Variants in ADAMDEC1 observed in about 807,000 individuals in gnomAD.
ADAMDEC1 encodes the protein ADAM DEC1.
ADAMDEC1 carries 62 observed loss-of-function variants against 60.4 expected under a neutral mutation model. The ratio of observed to expected loss-of-function variants is 1.03; its 90% confidence interval spans 0.84 to 1.27. The LOEUF (loss-of-function observed/expected upper bound fraction) is 1.27, where lower values mean the gene tolerates loss of function less well. ADAMDEC1 is among the 50% of genes most tolerant of loss of function. The pLI is 0.00. For synonymous variants in ADAMDEC1, 210 were observed against 195.1 expected (o/e 1.08, Z -0.64); for missense variants, 595 against 565.0 (o/e 1.05, Z -0.54).
intron 13 of ADAMDEC1, 111 bp from the exon 14 acceptor site, chr8:24,405,181 G>C: frequency 8.9e-7 from 1 of 1,120,306 alleles, no homozygotes; most frequent in Non-Finnish European, 1.3e-6. Flanking sequence ...TAAATAATAT[G>C]AATTGTTATT....
At chr8:24,393,452 G>A (rs1290281797) in intron 3 of ADAMDEC1, 114 bp downstream of exon 3, 1 of 633,616 alleles carries the variant, frequency 1.6e-6, no homozygotes, top group African/African-American at 1.9e-5. Flanking sequence ...GGCATTTTGA[G>A]CTTTAGATGA....
chr8:24,398,750 A>T (rs1817680366), intron 8 of ADAMDEC1, 124 bp from the exon 9 acceptor site: 1 of 1,144,772 alleles, frequency 8.7e-7, no homozygotes, highest in Non-Finnish European at 1.2e-6. Context: ...TAAAATTTTT[A>T]CTTTCAAAAT....
At chr8:24,398,411 T>A (rs1287404532) in intron 7 of ADAMDEC1, 69 bp from the exon 8 acceptor site, 1 of 880,028 alleles carries the variant, frequency 1.1e-6, no homozygotes, top group East Asian at 2.6e-5. Context: ...AAATGTGAAA[T>A]CTTGTATGCC....
intron 1 of ADAMDEC1, 109 bp downstream of exon 1, chr8:24,384,701 A>G: frequency 1.0e-6 from 1 of 995,464 alleles, no homozygotes; most frequent in Non-Finnish European, 1.4e-6. Context: ...AAAGACCATT[A>G]CCATTTGCAT....
At chr8:24,400,398 T>C (rs898119230) in intron 11 of ADAMDEC1, 98 bp downstream of exon 11, 2 of 1,268,860 alleles carry the variant, frequency 1.6e-6, no homozygotes, top group African/African-American at 3.0e-5. Context: ...AAATATTAGA[T>C]CTTGTGTTGT....
intron 3 of ADAMDEC1, among the ~76,000 whole-genome samples, 165 bp downstream of exon 3, chr8:24,393,503 T>C (rs902036219): frequency 6.6e-6 from 1 of 152,210 alleles, no homozygotes; most frequent in Admixed American, 6.5e-5. Context: ...TAGGAAATTA[T>C]ATACAAAATG....
Position 24,384,581 on chromosome 8 carries a change from T to C in ADAMDEC1, c.77T>C (p.Val26Ala). 1 of 1,610,774 alleles carries C rather than the reference T, an allele frequency of 6.2e-7. No individual in the cohort carries two copies. The highest frequency in any genetic ancestry group is 1.3e-5 in the African/African-American group (1 of 74,886). Residue 26 changes from valine (V) to alanine (A), a missense_variant, in exon 1 of 14, where the codon GTT (valine) becomes GCT (alanine). Coordinates refer to ENST00000256412, the MANE Select transcript of ADAMDEC1 (RefSeq NM_014479.3). ...CTGCTGCCTGTACTTTGGCTCATTGTTCAAACTCAAGGTACGTACCATCAC... is the reference window on the plus strand; with the variant it reads ...CTGCTGCCTGTACTTTGGCTCATTGCTCAAACTCAAGGTACGTACCATCAC... ...WVLLPVLWLIVQTQAIAIKQT... is the reference protein window; with the variant it reads ...WVLLPVLWLIAQTQAIAIKQT...
At chr8:24,398,749 T>A in intron 8 of ADAMDEC1, 125 bp from the exon 9 acceptor site, 2 of 1,138,952 alleles carry the variant, frequency 1.8e-6, no homozygotes, top group South Asian at 3.0e-5. Context: ...TTAAAATTTT[T>A]ACTTTCAAAA....
chr8:24,386,062 T>C (rs913542134), intron 1 of ADAMDEC1, among the ~76,000 whole-genome samples: 1 of 152,194 alleles, frequency 6.6e-6, no homozygotes, highest in Non-Finnish European at 1.5e-5. Flanking sequence ...CACAATATTC[T>C]GCTGAAAAAG....
At chr8:24,402,377 A>AGACG (rs1349630053) in intron 12 of ADAMDEC1, among the ~76,000 whole-genome samples, 1 of 152,160 alleles carries the variant, frequency 6.6e-6, no homozygotes, top group Non-Finnish European at 1.5e-5. Flanking sequence ...AGAAATCCCT[A>AGACG]GACGACATAA....
rs140513654 is a variant in ADAMDEC1, at chr8:24,393,590, G to A, written c.284+252G>A. Among the ~76,000 whole-genome samples, 644 of 152,288 alleles carry A rather than the reference G, an allele frequency of 4.2e-3. 4 individuals are homozygous for A. The highest frequency in any genetic ancestry group is 0.027 in the Middle Eastern group (8 of 294). ...CTTAGTGAACTTCTTTTTCTACTCAGATAAACTCAAGACTTTGATGCAGCT... is the reference window on the plus strand; with the variant it reads ...CTTAGTGAACTTCTTTTTCTACTCAAATAAACTCAAGACTTTGATGCAGCT... On this transcript the variant is annotated intron_variant, in intron 3 of 13. Transcript: ENST00000256412.
At chr8:24,405,043 A>G (rs1217424781) in intron 13 of ADAMDEC1, among the ~76,000 whole-genome samples, 9 of 152,200 alleles carry the variant, frequency 5.9e-5, no homozygotes, top group Admixed American at 4.6e-4. Flanking sequence ...TATACCATGG[A>G]AGAAAATTGG....
At position 24,398,539 on chromosome 8, in the gene ADAMDEC1, C is replaced by T. The variant is rs2291576; in HGVS notation, c.750C>T (p.Asn250=). ...LIRSFVFDVM[N]LLNVIYNTID... is the part of the protein sequence containing the mutation. ...GAAGCTTTGTGTTTGATGTGATGAA[C>T]CTACTCAATGTGGTAAGACATTAGT... The change falls in exon 8 of 14, where the codon AAC becomes AAT. Residue 250 remains asparagine (N), a synonymous_variant. Coordinates refer to ENST00000256412, the MANE Select transcript of ADAMDEC1 (RefSeq NM_014479.3). The T allele has an allele frequency of 0.045, 72,485 of 1,597,218 alleles. 2,472 individuals carry two copies. The highest frequency in any genetic ancestry group is 0.15 in the Admixed American group (8,346 of 57,510).
chr8:24,395,658 ACACACT>A, intron 4 of ADAMDEC1, 56 bp from the exon 5 acceptor site: 1 of 1,099,004 alleles, frequency 9.1e-7, no homozygotes, highest in East Asian at 2.4e-5. Context: ...TACATTACAC[ACACACT>A]CACATACACA....
chr8:24,398,851 G>T, intron 8 of ADAMDEC1, 23 bp from the exon 9 acceptor site: 1 of 1,606,046 alleles, frequency 6.2e-7, no homozygotes, highest in Non-Finnish European at 8.5e-7. Flanking sequence ...ACATTTTTAT[G>T]AAGATAAATG....
Position 24,394,066 on chromosome 8 carries a change from C to T in ADAMDEC1, c.285-3C>T. 6.2e-7 allele frequency: 1 copy of T among 1,610,132 alleles called. No individual in the cohort carries two copies. Among genetic ancestry groups the T allele is most frequent in the South Asian group, 1.1e-5 (1 of 90,946 alleles). On this transcript the variant is annotated splice_region_variant and splice_polypyrimidine_tract_variant and intron_variant, in intron 3 of 13. Transcript: ENST00000256412. Reference sequence around the variant, plus strand: ...GGTCCATGCAGCTCTCTGCTCTCTACAGGCACCTCCTGGGGCCAGACTACA... The same window carrying T: ...GGTCCATGCAGCTCTCTGCTCTCTATAGGCACCTCCTGGGGCCAGACTACA...
chr8:24,384,511 C>G lies in ADAMDEC1; in HGVS notation c.7C>G (p.Arg3Gly). Residue 3 changes from arginine to glycine, a missense_variant, in exon 1 of 14, where the codon CGT becomes GGT. Arg to Gly is a moderately radical substitution (Grantham distance 125). Transcript: ENST00000256412. MLRGISQLPAVAT... is the reference protein window; with the variant it reads MLGGISQLPAVAT... The stretch of plus-strand genomic sequence containing the variant: ...CTGGGGAGACCACAACTTCATGCTG[C>G]GTGGGATCTCCCAGCTACCTGCAGT... 1.2e-6 allele frequency: 2 copies of G among 1,606,866 alleles called. No individual in the cohort carries two copies. Among genetic ancestry groups the G allele is most frequent in the Non-Finnish European group, 1.7e-6 (2 of 1,176,226 alleles).
intron 2 of ADAMDEC1, 63 bp downstream of exon 2, chr8:24,392,443 T>C: frequency 8.2e-7 from 1 of 1,222,572 alleles, no homozygotes; most frequent in East Asian, 2.4e-5. Flanking sequence ...AAAAAGCCTT[T>C]TCACTAACAG....
chr8:24,391,789 T>C (rs1019441472), intron 1 of ADAMDEC1, among the ~76,000 whole-genome samples: 1 of 152,110 alleles, frequency 6.6e-6, no homozygotes, highest in African/African-American at 2.4e-5. Context: ...AAAAACTTTA[T>C]CTTTAGAGTA....
Sources: allele counts gnomAD v4.1 joint callset (sites outside exome capture counted in the v4.1 genomes callset), GRCh38; gene constraint gnomAD v4.1.1; transcripts MANE v1.5; gene names NCBI Gene and HGNC (gene_info 2026-07-23, HGNC 2026-07-21).